POU2F2: variants seen among roughly 807,000 people sequenced by gnomAD.
The protein encoded by POU2F2 is POU domain, class 2, transcription factor 2.
Under a neutral mutation model 63.5 loss-of-function variants are expected in POU2F2, and 14 were observed. That is an observed-to-expected ratio of 0.22 (90% CI 0.15 to 0.34). The LOEUF (loss-of-function observed/expected upper bound fraction) is 0.34. Among genes scored for constraint, POU2F2 ranks in the 10% least tolerant of loss-of-function variants. The pLI is 1.00. For synonymous variants in POU2F2, 306 were observed against 348.6 expected (o/e 0.88, Z 1.36); for missense variants, 607 against 815.2 (o/e 0.74, Z 3.11).
Position 42,095,876 on chromosome 19 carries a change from C to G in POU2F2, c.783G>C (p.Thr261=). The change falls in exon 9 of 15, where the codon ACG becomes ACC. Residue 261 remains threonine (T), a synonymous_variant. Coordinates refer to ENST00000692977, the MANE Select transcript of POU2F2 (RefSeq NM_001394376.1). The surrounding 1 kb of genome is among the most constrained non-coding windows in gnomAD (Gnocchi z 7.1). ...TGAGGGCCTCGAAGCGGGAAATGGTCGTCTGGCTGAAGTCGTTGCCGTAGA... is the reference window on the plus strand; with the variant it reads ...TGAGGGCCTCGAAGCGGGAAATGGTGGTCTGGCTGAAGTCGTTGCCGTAGA... ...GKLYGNDFSQ[T]TISRFEALNL... is the part of the protein sequence containing the mutation. The G allele has an allele frequency of 6.2e-7, 1 of 1,614,016 alleles. No individual in the cohort carries two copies. The highest frequency in any genetic ancestry group is 8.5e-7 in the Non-Finnish European group (1 of 1,179,916).
intron 5 of POU2F2, among the ~76,000 whole-genome samples, chr19:42,116,549 C>G (rs1172035717): frequency 6.6e-6 from 1 of 152,192 alleles, no homozygotes; most frequent in African/African-American, 2.4e-5. Context: ...TAAGATGGGA[C>G]AGCAACATCT....
chr19:42,191,182 C>A (rs889259945), intron 1 of POU2F2, among the ~76,000 whole-genome samples: 16 of 152,122 alleles, frequency 1.1e-4, no homozygotes, highest in Non-Finnish European at 7.3e-5. Flanking sequence ...CTTCTCTACC[C>A]ATATGGGTGG....
chr19:42,109,224 C>T (rs929991862), intron 5 of POU2F2, among the ~76,000 whole-genome samples: 3 of 152,220 alleles, frequency 2.0e-5, no homozygotes, highest in Admixed American at 6.5e-5. Flanking sequence ...GGTGCTGCAC[C>T]TCACTCCAGT....
chr19:42,195,425 C>T (rs1183351314), intron 1 of POU2F2, among the ~76,000 whole-genome samples: 2 of 150,690 alleles, frequency 1.3e-5, no homozygotes, highest in African/African-American at 2.4e-5. Context: ...CTCCGCCTCC[C>T]GGGTTCACGC....
rs539383158 is a variant in POU2F2, at chr19:42,129,231, T to C, written c.28+3153A>G. Among the ~76,000 whole-genome samples, 43 of 152,278 alleles carry C rather than the reference T, an allele frequency of 2.8e-4. No homozygotes were observed. The South Asian group carries it at 8.7e-3, about 31-fold the overall frequency. On this transcript the variant is annotated intron_variant, in intron 1 of 14. Coordinates refer to ENST00000692977, the MANE Select transcript of POU2F2 (RefSeq NM_001394376.1). The stretch of plus-strand genomic sequence containing the variant: ...AAAAGATTGGTTGGTTATGTATGGC[T>C]ATTCCCACCCCTCATCATAGGTAAT...
At chr19:42,190,627 G>A (rs995239072) in intron 1 of POU2F2, among the ~76,000 whole-genome samples, 14 of 152,098 alleles carry the variant, frequency 9.2e-5, no homozygotes, top group African/African-American at 3.4e-4. Context: ...GCCGAGGCAG[G>A]CTGATCACTT....
intron 1 of POU2F2, among the ~76,000 whole-genome samples, chr19:42,171,250 T>G (rs938109775): frequency 5.3e-5 from 8 of 152,158 alleles, no homozygotes; most frequent in African/African-American, 1.9e-4. Context: ...TAGGTATATG[T>G]GTATGGGTGG....
chr19:42,180,077 G>C (rs1454790624), upstream of POU2F2, among the ~76,000 whole-genome samples: 1 of 151,932 alleles, frequency 6.6e-6, no homozygotes, highest in East Asian at 1.9e-4. Context: ...CACAAACTAG[G>C]CACATGGGCC....
At chr19:42,188,935 G>GGAAGGAAGGAAT (rs2035046339) in intron 1 of POU2F2, among the ~76,000 whole-genome samples, 1 of 150,140 alleles carries the variant, frequency 6.7e-6, no homozygotes, top group Admixed American at 6.7e-5. Flanking sequence ...AAGGAAGGAA[G>GGAAGGAAGGAAT]GAAGGAAGGA....
intron 1 of POU2F2, among the ~76,000 whole-genome samples, chr19:42,129,060 T>G (rs1318509537): frequency 6.6e-6 from 1 of 152,106 alleles, no homozygotes; most frequent in African/African-American, 2.4e-5. Context: ...CTCGAACTCC[T>G]GACCTCAAGT....
chr19:42,128,504 T>C (rs531647070), intron 1 of POU2F2, among the ~76,000 whole-genome samples: 26 of 152,210 alleles, frequency 1.7e-4, no homozygotes, highest in South Asian at 4.1e-4. Flanking sequence ...TGCTGCCCTT[T>C]GTCTTTTCTC....
chr19:42,113,154 G>A (rs1469178488), intron 5 of POU2F2, among the ~76,000 whole-genome samples: 1 of 152,092 alleles, frequency 6.6e-6, no homozygotes, highest in Non-Finnish European at 1.5e-5. Flanking sequence ...AGCTTTATTT[G>A]CCATGGTCCT....
intron 11 of POU2F2, among the ~76,000 whole-genome samples, chr19:42,094,521 C>T (rs1244656017): frequency 6.6e-6 from 1 of 152,216 alleles, no homozygotes; most frequent in African/African-American, 2.4e-5. Context: ...CTCCTTACCT[C>T]CTCACTGCCC....
At chr19:42,119,005 G>A (rs965321253) in intron 4 of POU2F2, among the ~76,000 whole-genome samples, 3 of 152,098 alleles carry the variant, frequency 2.0e-5, no homozygotes, top group Admixed American at 1.3e-4. Flanking sequence ...AAGAGCTACA[G>A]AGGCCAAGTG....
rs956799269 is a variant in POU2F2, at chr19:42,093,654, C to T, written c.1264+175G>A. On this transcript the variant is annotated intron_variant, in intron 12 of 14. Transcript: ENST00000692977. ...TGAAGCAGATTAAAGCTGAGTTGCT[C>T]CTGCAGAGGAGGGGTGAGTCCTACC... 7.2e-5 allele frequency: 37 copies of T among 517,344 alleles called. No homozygotes were observed. In the Admixed American group the frequency reaches 1.2e-3, roughly 17 times the overall value. The allele number at this position is 517,344 out of a possible 1,614,324, so 32.0% of individuals were successfully genotyped here.
At chr19:42,104,922 G>A (rs1200077058) in intron 5 of POU2F2, among the ~76,000 whole-genome samples, 1 of 152,106 alleles carries the variant, frequency 6.6e-6, no homozygotes, top group Non-Finnish European at 1.5e-5. Flanking sequence ...GGGTACTCCT[G>A]TGCTCCTGAC....
chr19:42,136,951 C>T (rs1368835399), upstream of POU2F2: 7 of 152,210 alleles, frequency 4.6e-5, no homozygotes, highest in Non-Finnish European at 8.8e-5. Context: ...AGTGCCAAGC[C>T]CTGTGCTGGG....
intron 12 of POU2F2, 163 bp downstream of exon 12, chr19:42,093,666 G>T (rs2076814885): frequency 1.8e-6 from 1 of 561,154 alleles, no homozygotes; most frequent in Non-Finnish European, 3.1e-6. Flanking sequence ...TGCAGAGGAG[G>T]GGTGAGTCCT....
chr19:42,086,140 T>A lies in POU2F2; in HGVS notation c.*5117A>T, dbSNP rs1765758606. ...TCTCTCTGTACAGTTTTTAATTTTT[T>A]ATTTTTTGATGTTTGTTGTTCAGAT... On this transcript the variant is annotated 3_prime_UTR_variant, in exon 15 of 15. Transcript: ENST00000692977. 6.6e-6 allele frequency: 1 copy of A among 152,208 alleles called. No individual in the cohort carries two copies. Among genetic ancestry groups the A allele is most frequent in the African/African-American group, 2.4e-5 (1 of 41,444 alleles). The allele number at this position is 152,208 out of a possible 1,614,324, so 9.4% of individuals were successfully genotyped here.
Sources: gnomAD v4.1 joint callset for allele counts (sites outside exome capture counted in the v4.1 genomes callset) on GRCh38, gnomAD v4.1.1 for gene constraint, Gnocchi (gnomAD v3.1) non-coding constraint, MANE v1.5 for transcripts, NCBI Gene and HGNC (gene_info 2026-07-23, HGNC 2026-07-21) for gene names.